The following SIN3B variants were observed in gnomAD, a reference collection of about 807,000 sequenced individuals.
SIN3B encodes SIN3 transcription regulator family member B.
Under a neutral mutation model 120.2 loss-of-function variants are expected in SIN3B, and 19 were observed. The ratio of observed to expected loss-of-function variants is 0.16; its 90% CI spans 0.11 to 0.23. The LOEUF is 0.23. Among genes scored for constraint, SIN3B ranks in the 10% least tolerant of loss-of-function variants. The pLI is 1.00. For synonymous variants in SIN3B, 654 were observed against 653.2 expected (o/e 1.00, Z -0.02); for missense variants, 1,073 against 1,573.0 (o/e 0.68, Z 5.38).
chr19:16,872,201 T>C (rs1303612192), intron 14 of SIN3B, among the ~76,000 whole-genome samples: 1 of 151,800 alleles, frequency 6.6e-6, no homozygotes, highest in Admixed American at 6.6e-5. Context: ...GAAAAAAAGC[T>C]GGAAAAAAAA....
At chr19:16,869,396 G>T in intron 12 of SIN3B, 64 bp from the exon 13 acceptor site, 2 of 1,504,744 alleles carry the variant, frequency 1.3e-6, no homozygotes, top group East Asian at 2.4e-5. Flanking sequence ...AGTCGTGAAT[G>T]GGCACTGGGG....
At chr19:16,867,686 G>A (rs11669238) in intron 12 of SIN3B, among the ~76,000 whole-genome samples, 77,926 of 151,876 alleles carry the variant, frequency 0.51, 20,594 homozygotes, top group Non-Finnish European at 0.58. Flanking sequence ...GTGAGCGGTC[G>A]CTCCTTCTTT....
intron 3 of SIN3B, among the ~76,000 whole-genome samples, chr19:16,835,837 C>T (rs8112613): frequency 0.46 from 70,000 of 151,936 alleles, 16,294 homozygotes; most frequent in Non-Finnish European, 0.48. Flanking sequence ...ATTTTTAAAA[C>T]AGAGACAGGG....
chr19:16,873,071 A>G (rs1480052185), intron 14 of SIN3B, among the ~76,000 whole-genome samples: 2 of 148,744 alleles, frequency 1.3e-5, no homozygotes, highest in Non-Finnish European at 3.0e-5. Context: ...GCGAGGCCGC[A>G]CTCTGTGTCC....
intron 14 of SIN3B, among the ~76,000 whole-genome samples, chr19:16,874,558 TTGATTTGGTC>T (rs549327072): frequency 2.0e-3 from 302 of 151,638 alleles, no homozygotes; most frequent in Non-Finnish European, 3.4e-3. Context: ...TGGTTTGGTT[TTGATTTGGTC>T]TGATTTGGTC....
chr19:16,848,864 C>T (rs571567981), intron 5 of SIN3B, among the ~76,000 whole-genome samples: 3 of 152,304 alleles, frequency 2.0e-5, no homozygotes, highest in African/African-American at 7.2e-5. Context: ...TCTCAGACTC[C>T]TGGCCTCAAG....
Position 16,876,660 on chromosome 19 carries a change from C to A in SIN3B, c.2859+82C>A. 9.3e-7 allele frequency: 1 copy of A among 1,075,214 alleles called. No individual in the cohort carries two copies. The highest frequency in any genetic ancestry group is 1.4e-6 in the Non-Finnish European group (1 of 720,932). The allele number at this position is 1,075,214 out of a possible 1,614,324, so 66.6% of individuals were successfully genotyped here. On this transcript the variant is annotated intron_variant, in intron 16 of 18. Transcript: ENST00000248054. The surrounding 1 kb of genome is among the most constrained non-coding windows in gnomAD (Gnocchi z 7.1). ...GCATGGGGCTCCCACCAGCCAAGCGCAGGCCGCGCAGCATCCAGAGACCCT... is the reference window on the plus strand; with the variant it reads ...GCATGGGGCTCCCACCAGCCAAGCGAAGGCCGCGCAGCATCCAGAGACCCT...
chr19:16,858,554 C>T (rs62128036), intron 8 of SIN3B, among the ~76,000 whole-genome samples: 20,098 of 152,014 alleles, frequency 0.13, 1,511 homozygotes, highest in East Asian at 0.27. Flanking sequence ...GTTTCAATAC[C>T]GTTTCTAGTC....
chr19:16,870,716 A>T (rs1337176820), intron 13 of SIN3B, among the ~76,000 whole-genome samples: 1 of 151,072 alleles, frequency 6.6e-6, no homozygotes, highest in African/African-American at 2.4e-5. Context: ...ATGTCCGGTT[A>T]TTTTTTTTTT....
At position 16,877,572 on chromosome 19, in the gene SIN3B, G is replaced by C; in HGVS notation, c.2887G>C (p.Val963Leu). 1 of 1,611,936 alleles carries C rather than the reference G, an allele frequency of 6.2e-7. No homozygotes were observed. The change falls in exon 17 of 19, where the codon GTG becomes CTG. Residue 963 changes from valine to leucine, a missense_variant. Around this residue, in one of 7 missense-constraint regions of SIN3B, gnomAD observed 311 missense variants for 400.3 expected, o/e 0.78. Coordinates refer to ENST00000248054, the MANE Select transcript of SIN3B (RefSeq NM_001297595.2). ...CCTGGCTCGGTACGTGGAGCAGTAT[G>C]TGGGGACCGAGGGCGCGTCCAGCTC... ...QHLARYVEQY[V>L]GTEGASSSPT... is the part of the protein sequence containing the mutation.
intron 9 of SIN3B, chr19:16,863,322 GCAGTGT>G: frequency 2.8e-6 from 1 of 360,184 alleles, no homozygotes; most frequent in Non-Finnish European, 5.0e-6. Context: ...TTTTAAGAAT[GCAGTGT>G]AACAATGATC....
intron 17 of SIN3B, among the ~76,000 whole-genome samples, 189 bp downstream of exon 17, chr19:16,877,828 C>T (rs1388855524): frequency 2.6e-5 from 4 of 152,118 alleles, no homozygotes; most frequent in African/African-American, 7.2e-5. Flanking sequence ...AACCCCAGGA[C>T]GGTGAGGTGT....
intron 5 of SIN3B, 93 bp downstream of exon 5, chr19:16,847,206 A>T: frequency 7.1e-7 from 1 of 1,415,912 alleles, no homozygotes. Flanking sequence ...AAGCCTATGT[A>T]CCCTCCAGGC....
Position 16,847,030 on chromosome 19 carries a change from A to G in SIN3B, c.643A>G (p.Thr215Ala). Residue 215 changes from threonine to alanine, a missense_variant, in exon 5 of 19, where the codon ACC becomes GCC. By Grantham distance (58) the Thr-to-Ala change is moderately conservative. Around this residue, in one of 7 missense-constraint regions of SIN3B, gnomAD observed 395 missense variants for 528.0 expected, o/e 0.75. Coordinates refer to ENST00000248054, the MANE Select transcript of SIN3B (RefSeq NM_001297595.2). ...FRGMSEEEVF[T>A]EVANLFRGQE... Reference sequence around the variant, plus strand: ...AGGCATGTCTGAAGAGGAGGTGTTCACCGAGGTGGCCAACCTCTTCCGGGG... The same window carrying G: ...AGGCATGTCTGAAGAGGAGGTGTTCGCCGAGGTGGCCAACCTCTTCCGGGG... The G allele has an allele frequency of 6.2e-7, 1 of 1,614,170 alleles. No homozygotes were observed. Among genetic ancestry groups the G allele is most frequent in the Non-Finnish European group, 8.5e-7 (1 of 1,179,996 alleles).
At chr19:16,867,979 C>T (rs866506364) in intron 12 of SIN3B, among the ~76,000 whole-genome samples, 2 of 152,194 alleles carry the variant, frequency 1.3e-5, no homozygotes, top group Non-Finnish European at 2.9e-5. Context: ...GGATCCCTCC[C>T]TGGGGCTGGG....
chr19:16,865,349 T>A, intron 10 of SIN3B, 61 bp from the exon 11 acceptor site: 1 of 774,798 alleles, frequency 1.3e-6, no homozygotes, highest in South Asian at 1.6e-5. Context: ...GGTCCCAGGC[T>A]CCTCTCTGAG....
chr19:16,858,882 A>C (rs11880684), intron 8 of SIN3B, among the ~76,000 whole-genome samples: 1,974 of 152,302 alleles, frequency 0.013, 43 homozygotes, highest in African/African-American at 0.045. Context: ...CCCAGGAAGC[A>C]GAGGTTGCAA....
intron 4 of SIN3B, among the ~76,000 whole-genome samples, chr19:16,843,544 G>T (rs1203283480): frequency 1.3e-5 from 2 of 152,198 alleles, no homozygotes; most frequent in South Asian, 2.1e-4. Context: ...TGTGATCGTA[G>T]AATCTGTGGG....
At chr19:16,835,181 C>T (rs1297158283) in intron 3 of SIN3B, among the ~76,000 whole-genome samples, 1 of 151,838 alleles carries the variant, frequency 6.6e-6, no homozygotes, top group Non-Finnish European at 1.5e-5. Context: ...CTGCCTCGGC[C>T]TCCCAAAGTA....
Sources: allele counts gnomAD v4.1 joint callset (sites outside exome capture counted in the v4.1 genomes callset), GRCh38; gene constraint gnomAD v4.1.1; regional missense constraint gnomAD v4.1.1; non-coding constraint Gnocchi (gnomAD v3.1); transcripts MANE v1.5; gene names NCBI Gene and HGNC (gene_info 2026-07-23, HGNC 2026-07-21).